The following ASTN2 variants were observed in gnomAD, a reference collection of about 807,000 sequenced individuals.
ASTN2 encodes the protein astrotactin-2.
A neutral mutation model predicts 139.8 loss-of-function variants in ASTN2; 54 were observed. The ratio of observed to expected loss-of-function variants is 0.39; its 90% CI spans 0.31 to 0.48. The LOEUF is 0.48. Ranked by LOEUF, ASTN2 falls within the 20% of genes least tolerant of loss-of-function variation. The pLI, the probability that ASTN2 is intolerant of heterozygous loss-of-function variation, is 0.95. For synonymous variants in ASTN2, 756 were observed against 719.5 expected (o/e 1.05, Z -0.81); for missense variants, 1,565 against 1,725.1 (o/e 0.91, Z 1.64).
At chr9:117,191,986 G>C (rs905980057) in intron 3 of ASTN2, among the ~76,000 whole-genome samples, 1 of 152,168 alleles carries the variant, frequency 6.6e-6, no homozygotes, top group Admixed American at 6.5e-5. Context: ...GAGCATGCCC[G>C]TTTGTTTTGC....
chr9:116,492,085 C>CT (rs796673453), intron 19 of ASTN2, among the ~76,000 whole-genome samples: 6,856 of 143,116 alleles, frequency 0.048, 479 homozygotes, highest in African/African-American at 0.16. Context: ...GTTTTTCTCT[C>CT]TTTTTTTTTT....
intron 11 of ASTN2, among the ~76,000 whole-genome samples, chr9:116,826,814 G>T (rs754473267): frequency 6.6e-6 from 1 of 152,122 alleles, no homozygotes. Flanking sequence ...CCACTATCAG[G>T]TGTGAAGACT....
intron 2 of ASTN2, among the ~76,000 whole-genome samples, chr9:117,262,432 A>T (rs145828862): frequency 2.2e-3 from 317 of 146,016 alleles, no homozygotes; most frequent in Non-Finnish European, 3.7e-3. Context: ...TTATCTCCTT[A>T]GCATCCTTTC....
chr9:116,927,709 T>C (rs1377994671), intron 10 of ASTN2, among the ~76,000 whole-genome samples: 2 of 152,178 alleles, frequency 1.3e-5, no homozygotes, highest in Non-Finnish European at 2.9e-5. Context: ...GCCAGCTCCC[T>C]CTCTAAACAT....
At chr9:117,328,943 G>T (rs546515356) in intron 1 of ASTN2, among the ~76,000 whole-genome samples, 1 of 152,180 alleles carries the variant, frequency 6.6e-6, no homozygotes, top group Non-Finnish European at 1.5e-5. Context: ...ATGAATTAAG[G>T]TTTGGATGCC....
At chr9:116,810,405 C>T (rs1461842335) in intron 12 of ASTN2, among the ~76,000 whole-genome samples, 2 of 152,138 alleles carry the variant, frequency 1.3e-5, no homozygotes, top group African/African-American at 2.4e-5. Flanking sequence ...TGTGTGACCT[C>T]GGACAAACTA....
intron 16 of ASTN2, among the ~76,000 whole-genome samples, chr9:116,706,072 A>G (rs1184043847): frequency 6.6e-6 from 1 of 152,112 alleles, no homozygotes; most frequent in African/African-American, 2.4e-5. Context: ...GTAGGGTATG[A>G]ATCAGAATCT....
chr9:116,654,275 C>A (rs1203582430), intron 16 of ASTN2, among the ~76,000 whole-genome samples: 4 of 152,168 alleles, frequency 2.6e-5, no homozygotes, highest in African/African-American at 9.7e-5. Context: ...GCTGCAAGGA[C>A]AGAATTGAGT....
intron 19 of ASTN2, among the ~76,000 whole-genome samples, chr9:116,496,542 A>G (rs1849675297): frequency 6.6e-6 from 1 of 152,014 alleles, no homozygotes; most frequent in Admixed American, 6.6e-5. Flanking sequence ...ATTCTGCAAG[A>G]CCCTTTTAAG....
At chr9:117,404,986 G>T (rs1480551767) in intron 1 of ASTN2, among the ~76,000 whole-genome samples, 1 of 152,142 alleles carries the variant, frequency 6.6e-6, no homozygotes, top group African/African-American at 2.4e-5. Flanking sequence ...GGAGTAACAA[G>T]AGGCATCTGG....
Position 116,530,094 on chromosome 9 carries a change from G to GACAT in ASTN2, c.3356-42595_3356-42594insATGT, listed in dbSNP as rs1160064026. Among the ~76,000 whole-genome samples the GACAT allele has an allele frequency of 1.8e-4, 9 of 51,084 alleles. 1 individual carries two copies. The South Asian group carries it at 6.9e-3, about 39-fold the overall frequency. The allele number at this position is 51,084 out of a possible 152,430, so 33.5% of individuals were successfully genotyped here. ...ATCAGTGGATGAATGGATAAAGTGT[G>GACAT]ATATATATATATATATATATATATA... On this transcript the variant is annotated intron_variant, in intron 19 of 22. Transcript: ENST00000313400.
At chr9:116,552,257 T>C (rs972090327) in intron 19 of ASTN2, 2 of 152,222 alleles carry the variant, frequency 1.3e-5, no homozygotes, top group African/African-American at 4.8e-5. Flanking sequence ...ATCTGTTACA[T>C]AGAAAGGGCA....
chr9:116,838,759 C>T (rs1380844301), intron 11 of ASTN2, among the ~76,000 whole-genome samples: 3 of 152,084 alleles, frequency 2.0e-5, no homozygotes, highest in Non-Finnish European at 4.4e-5. Flanking sequence ...TGGCTGAGAG[C>T]CTTCAGATGA....
chr9:117,306,259 C>G (rs1834995783), intron 1 of ASTN2, among the ~76,000 whole-genome samples: 1 of 152,168 alleles, frequency 6.6e-6, no homozygotes, highest in Admixed American at 6.5e-5. Context: ...TTTCCTGCAC[C>G]AAGCCCTTTG....
chr9:116,614,532 C>A (rs1347291579), intron 19 of ASTN2, among the ~76,000 whole-genome samples: 1 of 152,046 alleles, frequency 6.6e-6, no homozygotes, highest in Non-Finnish European at 1.5e-5. Context: ...GAGTTATAGA[C>A]CAATGGAACA....
intron 19 of ASTN2, among the ~76,000 whole-genome samples, chr9:116,558,995 C>A (rs1049823927): frequency 2.0e-5 from 3 of 152,186 alleles, no homozygotes; most frequent in South Asian, 4.1e-4. Flanking sequence ...TACCAGTCAG[C>A]AAAACATGCA....
intron 19 of ASTN2, among the ~76,000 whole-genome samples, chr9:116,594,254 T>C (rs1295317600): frequency 6.6e-6 from 1 of 152,192 alleles, no homozygotes; most frequent in East Asian, 1.9e-4. Flanking sequence ...CTGTTCATGA[T>C]CCTTCATAAC....
intron 10 of ASTN2, among the ~76,000 whole-genome samples, chr9:116,957,215 G>A (rs778520620): frequency 4.6e-5 from 7 of 151,598 alleles, no homozygotes; most frequent in Admixed American, 3.9e-4. Flanking sequence ...TTCTCTCTAC[G>A]AATACATGTA....
chr9:116,454,583 C>T (rs919166087), intron 20 of ASTN2, among the ~76,000 whole-genome samples: 1 of 152,172 alleles, frequency 6.6e-6, no homozygotes, highest in Non-Finnish European at 1.5e-5. Flanking sequence ...TATAAAGGCA[C>T]ATACACATAT....
Sources: gnomAD v4.1 joint callset for allele counts (sites outside exome capture counted in the v4.1 genomes callset) on GRCh38, gnomAD v4.1.1 for gene constraint, MANE v1.5 for transcripts, NCBI Gene and HGNC (gene_info 2026-07-23, HGNC 2026-07-21) for gene names.